Variants in ACAD9 observed in about 807,000 individuals in gnomAD.
ACAD9 encodes complex I assembly factor ACAD9, mitochondrial.
ACAD9 carries 53 observed loss-of-function variants against 70.2 expected under a neutral mutation model. That is an observed-to-expected ratio of 0.75 (90% confidence interval 0.61 to 0.95). The LOEUF (loss-of-function observed/expected upper bound fraction) is 0.95. Among genes scored for constraint, ACAD9 ranks in the 40% least tolerant of loss-of-function variants. The probability of loss-of-function intolerance (pLI) is 0.00; values close to 1 mark genes in which losing one functional copy is unlikely to be tolerated. For synonymous variants in ACAD9, 313 were observed against 312.1 expected, an observed-to-expected ratio of 1.00 and a Z score of -0.03; for missense variants, 777 against 802.8, an observed-to-expected ratio of 0.97 and a Z score of 0.39.
intron 10 of ACAD9, 21 bp from the exon 11 acceptor site, chr3:128,904,365 T>G (rs1319093984): frequency 6.2e-7 from 1 of 1,614,246 alleles, no homozygotes; most frequent in South Asian, 1.1e-5. Context: ...TTGTTTCTTG[T>G]GTTTTTTCTG....
chr3:128,907,740 G>C (rs1935935709), intron 12 of ACAD9, among the ~76,000 whole-genome samples: 1 of 152,222 alleles, frequency 6.6e-6, no homozygotes, highest in African/African-American at 2.4e-5. Context: ...GGCCCTCTGG[G>C]TGTGTTGACA....
At chr3:128,908,705 T>C in intron 13 of ACAD9, 1 of 569,514 alleles carries the variant, frequency 1.8e-6, no homozygotes. Context: ...AGGTTGCTAG[T>C]AGCATTTTGT....
rs1935484671 is a variant in ACAD9 at position 128,893,656 on chromosome 3, G to C, written c.346G>C (p.Gly116Arg). ...TGGGCTGCAAGTCCCAGAAGAATAT[G>C]GTAAGTCAAGCAAACAAGCACCCAG... The part of the protein sequence containing the change: ...LFGLQVPEEY[G>R]GLGFSNTMYS... Residue 116 changes from glycine (G) to arginine (R), a missense_variant and splice_region_variant, in exon 3 of 18, where the codon GGT becomes CGT. By Grantham distance (125) the Gly-to-Arg change is moderately radical (BLOSUM62 -2). Coordinates refer to ENST00000308982, the MANE Select transcript of ACAD9 (RefSeq NM_014049.5). 6.2e-7 allele frequency: 1 copy of C among 1,613,036 alleles called. No individual in the cohort carries two copies. The highest frequency in any genetic ancestry group is 1.3e-5 in the African/African-American group (1 of 74,986).
In ACAD9 at chr3:128,910,152, GAGCCC is replaced by G. The variant is rs781465491; in HGVS notation, c.1692+13_1692+17del. 31 of 1,613,916 alleles carry G rather than the reference GAGCCC, an allele frequency of 1.9e-5. No individual in the cohort carries two copies. The Middle Eastern group carries it at 2.6e-3, about 137-fold the overall frequency. The stretch of plus-strand genomic sequence containing the variant: ...GGCTCCGCAACCACGACCACGAGGT[GAGCCC>G]AGCCCAGCCTCACACAGGGCCTGGC... On this transcript the variant is annotated splice_donor_5th_base_variant and intron_variant, in intron 16 of 17. Transcript: ENST00000308982.
chr3:128,897,557 C>T, intron 5 of ACAD9, 75 bp from the exon 6 acceptor site: 1 of 1,407,074 alleles, frequency 7.1e-7, no homozygotes, highest in East Asian at 2.5e-5. Flanking sequence ...ACTAAAACCT[C>T]CATTTTCAGG....
At chr3:128,909,485 C>T in intron 15 of ACAD9, 64 bp downstream of exon 15, 1 of 1,511,360 alleles carries the variant, frequency 6.6e-7, no homozygotes, top group East Asian at 2.3e-5. Flanking sequence ...ATTCATGAGA[C>T]TACTTTTTGT....
chr3:128,884,805 T>C (rs1935200589), intron 2 of ACAD9, 59 bp downstream of exon 2: 2 of 1,269,082 alleles, frequency 1.6e-6, no homozygotes, highest in Non-Finnish European at 1.2e-6. Context: ...TTGGTTGATA[T>C]TTATATTAGA....
chr3:128,899,522 C>T (rs1044124410), intron 7 of ACAD9, 61 bp downstream of exon 7: 52 of 1,146,354 alleles, frequency 4.5e-5, no homozygotes, highest in Middle Eastern at 5.1e-4. Flanking sequence ...TGGCCTTTGA[C>T]GGTGTGTGTG....
intron 3 of ACAD9, among the ~76,000 whole-genome samples, chr3:128,894,148 C>T (rs1293719207): frequency 6.6e-6 from 1 of 152,190 alleles, no homozygotes; most frequent in Non-Finnish European, 1.5e-5. Flanking sequence ...AAGGGATAGA[C>T]CACACACATG....
intron 16 of ACAD9, 110 bp from the exon 17 acceptor site, chr3:128,910,631 C>T: frequency 8.3e-7 from 1 of 1,206,038 alleles, no homozygotes; most frequent in Non-Finnish European, 1.2e-6. Flanking sequence ...TGTGCCAGGC[C>T]TTGTGACCCC....
chr3:128,879,639 C>T lies in ACAD9; in HGVS notation c.-53C>T, dbSNP rs1935024192. 1.9e-6 allele frequency: 3 copies of T among 1,602,996 alleles called. No homozygotes were observed. The highest frequency in any genetic ancestry group is 1.7e-6 in the Non-Finnish European group (2 of 1,173,886). On this transcript the variant is annotated 5_prime_UTR_variant, in exon 1 of 18. Coordinates refer to ENST00000308982, the MANE Select transcript of ACAD9 (RefSeq NM_014049.5). ...AACGTCATCAGACGTGTGTGTGTCC[C>T]TGCGGCGCTAAGAAGGGGAGACTGA...
At chr3:128,898,916 G>A (rs758396465) in intron 6 of ACAD9, among the ~76,000 whole-genome samples, 13 of 151,996 alleles carry the variant, frequency 8.6e-5, no homozygotes, top group Non-Finnish European at 1.8e-4. Context: ...AATAAATGTT[G>A]TGTGTATTTA....
intron 1 of ACAD9, chr3:128,880,133 A>G (rs1029533014): frequency 1.7e-5 from 16 of 941,182 alleles, no homozygotes; most frequent in African/African-American, 5.0e-5. Context: ...AGCAGCCTTC[A>G]TCTCAGCTGG....
chr3:128,910,320 TTTC>T (rs1189297632), intron 16 of ACAD9, 171 bp downstream of exon 16: 3 of 1,479,698 alleles, frequency 2.0e-6, no homozygotes, highest in African/African-American at 1.4e-5. Flanking sequence ...GGCTGTTCCC[TTTC>T]TTCTTCCTGA....
At chr3:128,895,173 G>A (rs1338459324) in intron 3 of ACAD9, 137 bp from the exon 4 acceptor site, 10 of 740,062 alleles carry the variant, frequency 1.4e-5, no homozygotes, top group East Asian at 2.7e-5. Flanking sequence ...CACCATGCCC[G>A]GCCTGTATTG....
intron 2 of ACAD9, among the ~76,000 whole-genome samples, chr3:128,886,879 A>G (rs1935265994): frequency 6.6e-6 from 1 of 150,726 alleles, no homozygotes; most frequent in Non-Finnish European, 1.5e-5. Flanking sequence ...TCCACTGTGC[A>G]GTCTTTTTTT....
chr3:128,894,413 G>C (rs1455159809), intron 3 of ACAD9, among the ~76,000 whole-genome samples: 1 of 152,054 alleles, frequency 6.6e-6, no homozygotes, highest in Non-Finnish European at 1.5e-5. Context: ...TAATTGATTC[G>C]ATGTGTGTGT....
chr3:128,879,813 A>G lies in ACAD9; in HGVS notation c.122A>G (p.Lys41Arg), dbSNP rs1367397763. The G allele has an allele frequency of 1.2e-6, 2 of 1,614,070 alleles. No homozygotes were observed. Residue 41 changes from lysine (K) to arginine (R), a missense_variant, in exon 1 of 18, where the codon AAA becomes AGA. By Grantham distance (26) the Lys-to-Arg change is conservative (BLOSUM62 2). Coordinates refer to ENST00000308982, the MANE Select transcript of ACAD9 (RefSeq NM_014049.5). Reference protein sequence around the residue: ...RTSPPVRAFAKELFLGKIKKK... With the variant: ...RTSPPVRAFARELFLGKIKKK... ...AGCCCGCCTGTACGAGCTTTCGCCA[A>G]AGAGCTTTTCCTAGGCAAAATCAAG... is the stretch of plus-strand genomic sequence containing the variant.
intron 6 of ACAD9, chr3:128,898,609 A>C (rs748714976): frequency 4.2e-5 from 13 of 311,948 alleles, no homozygotes; most frequent in Non-Finnish European, 7.5e-5. Flanking sequence ...CGTGTTGCCC[A>C]GGTTGGTCTC....
Sources: gnomAD v4.1 joint callset for allele counts (sites outside exome capture counted in the v4.1 genomes callset) on GRCh38, gnomAD v4.1.1 for gene constraint, MANE v1.5 for transcripts, NCBI Gene and HGNC (gene_info 2026-07-23, HGNC 2026-07-21) for gene names.